Variants in PRKN observed in about 807,000 individuals in gnomAD.
PRKN encodes the protein E3 ubiquitin-protein ligase parkin.
Under a neutral mutation model 59.5 loss-of-function variants are expected in PRKN, and 56 were observed. That is an observed-to-expected ratio of 0.94 (90% CI 0.76 to 1.18). The LOEUF (loss-of-function observed/expected upper bound fraction) is 1.18, where lower values mean the gene tolerates loss of function less well. PRKN is among the 50% of genes most tolerant of loss of function. PRKN has a pLI of 0.00. For synonymous variants in PRKN, 250 were observed against 222.1 expected (o/e 1.13, Z -1.12); for missense variants, 657 against 596.4 (o/e 1.10, Z -1.06).
rs1289451527 is a variant in PRKN, at chr6:161,593,618, G to T, written c.872-24202C>A. Among the ~76,000 whole-genome samples, 2 of 152,156 alleles carry T rather than the reference G, an allele frequency of 1.3e-5. No homozygotes were observed. The highest frequency in any genetic ancestry group is 1.5e-5 in the Non-Finnish European group (1 of 68,034). On this transcript the variant is annotated intron_variant, in intron 7 of 11. Transcript: ENST00000366898. The surrounding 1 kb of genome is among the most constrained non-coding windows in gnomAD (Gnocchi z 4.8). ...TGTGGAGCAGACAAAGGAAAAGGAG[G>T]CAGGGGTTGCGCTGCCACTTTTATC...
intron 6 of PRKN, among the ~76,000 whole-genome samples, chr6:161,798,178 G>T (rs1209650998): frequency 6.6e-6 from 1 of 152,196 alleles, no homozygotes; most frequent in Non-Finnish European, 1.5e-5. Context: ...TCCAGCCTGG[G>T]TGACAGAGGG....
At chr6:161,350,967 ATATAT>A (rs1784520737) in intron 11 of PRKN, among the ~76,000 whole-genome samples, 2 of 47,068 alleles carry the variant, frequency 4.2e-5, no homozygotes, top group African/African-American at 1.8e-4. Context: ...TATTTAAAAT[ATATAT>A]AAATATATTT....
chr6:162,278,713 T>A (rs960246424), intron 2 of PRKN, among the ~76,000 whole-genome samples: 10 of 152,236 alleles, frequency 6.6e-5, no homozygotes, highest in Middle Eastern at 3.4e-3. Flanking sequence ...TCCTTGAAAT[T>A]TACATCACAC....
intron 1 of PRKN, among the ~76,000 whole-genome samples, chr6:162,604,779 A>C (rs1298875908): frequency 4.0e-5 from 6 of 151,558 alleles, no homozygotes. Context: ...TTGTCACAAA[A>C]AGGATTATCT....
At chr6:161,721,307 G>A (rs573699132) in intron 7 of PRKN, among the ~76,000 whole-genome samples, 262 of 152,264 alleles carry the variant, frequency 1.7e-3, no homozygotes, top group Non-Finnish European at 2.1e-3. Flanking sequence ...GAGAACATTT[G>A]AGCATTTTTA....
chr6:161,970,680 G>A (rs1780770919), intron 6 of PRKN, among the ~76,000 whole-genome samples: 1 of 151,782 alleles, frequency 6.6e-6, no homozygotes, highest in African/African-American at 2.4e-5. Flanking sequence ...TGGGACTACA[G>A]GCATGTGCCA....
intron 7 of PRKN, among the ~76,000 whole-genome samples, chr6:161,754,052 G>A (rs1788809475): frequency 6.6e-6 from 1 of 152,112 alleles, no homozygotes; most frequent in Non-Finnish European, 1.5e-5. Context: ...GGTGAGCCCA[G>A]TTGTGTAATT....
chr6:161,422,878 A>T (rs1788167786), intron 9 of PRKN, among the ~76,000 whole-genome samples: 1 of 152,156 alleles, frequency 6.6e-6, no homozygotes, highest in Non-Finnish European at 1.5e-5. Context: ...ATAAACGGGG[A>T]TGATGCCAAT....
intron 1 of PRKN, among the ~76,000 whole-genome samples, chr6:162,668,776 T>C (rs928294100): frequency 3.3e-5 from 5 of 152,246 alleles, no homozygotes; most frequent in South Asian, 2.1e-4. Flanking sequence ...AAGTATCTAA[T>C]AGGTAGGCCC....
chr6:162,568,297 A>C (rs1780162932), intron 1 of PRKN: 1 of 273,876 alleles, frequency 3.7e-6, no homozygotes, highest in South Asian at 5.3e-5. Context: ...AAGCTTCTGC[A>C]CAGTGACCAA....
intron 9 of PRKN, among the ~76,000 whole-genome samples, chr6:161,387,976 AAAG>A (rs1003250906): frequency 6.6e-6 from 1 of 152,204 alleles, no homozygotes; most frequent in African/African-American, 2.4e-5. Flanking sequence ...GCCATCGTAC[AAAG>A]AAGAAAGCTG....
intron 7 of PRKN, among the ~76,000 whole-genome samples, chr6:161,688,062 C>A (rs1050967655): frequency 2.6e-5 from 4 of 152,134 alleles, no homozygotes; most frequent in Admixed American, 2.6e-4. Flanking sequence ...CAATTCTCAA[C>A]CCTGCAATTC....
chr6:162,479,010 C>T (rs563484593), intron 1 of PRKN, among the ~76,000 whole-genome samples: 61 of 152,066 alleles, frequency 4.0e-4, no homozygotes, highest in Non-Finnish European at 4.4e-4. Context: ...ACTCAGGCTA[C>T]GCTAAAGTTA....
chr6:161,894,672 A>G (rs532832670), intron 6 of PRKN, among the ~76,000 whole-genome samples: 2 of 152,216 alleles, frequency 1.3e-5, no homozygotes, highest in Non-Finnish European at 2.9e-5. Flanking sequence ...CCTAAGTGAA[A>G]TTAGCCTTTC....
chr6:162,199,566 T>C (rs903175788), intron 4 of PRKN, among the ~76,000 whole-genome samples: 2 of 152,082 alleles, frequency 1.3e-5, no homozygotes, highest in Non-Finnish European at 2.9e-5. Flanking sequence ...TGAGGTTGTG[T>C]CTTGTGTTGA....
rs148996606 is a variant in PRKN, at chr6:161,840,086, G to A, written c.735-54178C>T. ...ACAGCATCTCTCTTCTTCTGCTGAG[G>A]AACAAACAAGGGTTCAACCCTCAAC... is the stretch of plus-strand genomic sequence containing the variant. On this transcript the variant is annotated intron_variant, in intron 6 of 11. Transcript: ENST00000366898. 1.7e-3 allele frequency among the ~76,000 whole-genome samples: 255 copies of A among 152,360 alleles called. 1 individual carries two copies. The highest frequency in any genetic ancestry group is 5.8e-3 in the African/African-American group (242 of 41,586).
intron 8 of PRKN, among the ~76,000 whole-genome samples, chr6:161,567,246 CTA>C (rs1403372255): frequency 6.6e-6 from 1 of 152,000 alleles, no homozygotes; most frequent in African/African-American, 2.4e-5. Context: ...CACTATTTCA[CTA>C]TGTTGGCCAG....
At chr6:162,639,256 T>G (rs1368785567) in intron 1 of PRKN, among the ~76,000 whole-genome samples, 2 of 152,166 alleles carry the variant, frequency 1.3e-5, no homozygotes, top group Non-Finnish European at 2.9e-5. Flanking sequence ...TGCTCAGGCC[T>G]GTTAAAGTAC....
intron 1 of PRKN, among the ~76,000 whole-genome samples, chr6:162,638,332 T>A (rs1470728949): frequency 6.6e-6 from 1 of 152,178 alleles, no homozygotes; most frequent in Non-Finnish European, 1.5e-5. Flanking sequence ...ACGCTTGTTC[T>A]GTGCCAACTC....
Sources: gnomAD v4.1 joint callset for allele counts (sites outside exome capture counted in the v4.1 genomes callset) on GRCh38, gnomAD v4.1.1 for gene constraint, Gnocchi (gnomAD v3.1) non-coding constraint, MANE v1.5 for transcripts, NCBI Gene and HGNC (gene_info 2026-07-23, HGNC 2026-07-21) for gene names.